Variants in CCDC38 observed in about 807,000 individuals in gnomAD.
CCDC38 encodes coiled-coil domain-containing protein 38.
CCDC38 carries 69 observed loss-of-function variants against 72.8 expected under a neutral mutation model. The ratio of observed to expected loss-of-function variants is 0.95; its 90% CI spans 0.78 to 1.16. The LOEUF is 1.16. Among genes scored for constraint, CCDC38 ranks in the 50% most tolerant of loss-of-function variants. The pLI, the probability that CCDC38 is intolerant of heterozygous loss-of-function variation, is 0.00. For missense variants in CCDC38, 626 were observed against 638.9 expected (o/e 0.98, Z 0.22); for synonymous variants, 201 against 213.2 (o/e 0.94, Z 0.50).
chr12:95,886,030 C>CAATA (rs1225077172), intron 10 of CCDC38, among the ~76,000 whole-genome samples: 29 of 151,170 alleles, frequency 1.9e-4, no homozygotes, highest in Admixed American at 1.1e-3. Context: ...GAAATCAAGG[C>CAATA]CATACATAAT....
chr12:95,921,023 G>A (rs1255512000), intron 2 of CCDC38, among the ~76,000 whole-genome samples: 1 of 151,824 alleles, frequency 6.6e-6, no homozygotes, highest in Non-Finnish European at 1.5e-5. Flanking sequence ...AGCTCCTTGG[G>A]AGGCTAAGTC....
intron 8 of CCDC38, 72 bp from the exon 9 acceptor site, chr12:95,891,002 C>G: frequency 2.4e-6 from 2 of 825,672 alleles, no homozygotes; most frequent in Non-Finnish European, 2.0e-6. Flanking sequence ...AGAAAGAGAG[C>G]TTTGTCTCAG....
chr12:95,868,831 A>G (rs1287563829), intron 15 of CCDC38, among the ~76,000 whole-genome samples: 1 of 152,178 alleles, frequency 6.6e-6, no homozygotes, highest in Non-Finnish European at 1.5e-5. Context: ...TGCAAAATAA[A>G]GAACTTTGGC....
In CCDC38 at chr12:95,895,236, G is replaced by A. The variant is rs1015113906; in HGVS notation, c.615-90C>T. On this transcript the variant is annotated intron_variant, in intron 7 of 15. Coordinates refer to ENST00000344280, the MANE Select transcript of CCDC38 (RefSeq NM_182496.3). Reference sequence around the variant, plus strand: ...ATTTTTATAAAATTGTTTCTCTTATGTACTGAATTAATAATTTAATTATCA... The same window carrying A: ...ATTTTTATAAAATTGTTTCTCTTATATACTGAATTAATAATTTAATTATCA... 92 of 791,466 alleles carry A rather than the reference G, an allele frequency of 1.2e-4. No individual in the cohort carries two copies. In the East Asian group the frequency reaches 2.7e-3, roughly 23 times the overall value. 49.0% of individuals were successfully genotyped at this position (791,466 alleles called of 1,614,324 possible).
At chr12:95,881,820 T>C (rs935038609) in intron 10 of CCDC38, among the ~76,000 whole-genome samples, 7 of 152,208 alleles carry the variant, frequency 4.6e-5, no homozygotes, top group African/African-American at 1.7e-4. Flanking sequence ...GTACCAATTA[T>C]TTGAGGTGCA....
chr12:95,941,035 TCTATAA>T (rs1244731384), intron 1 of CCDC38, among the ~76,000 whole-genome samples: 1 of 152,204 alleles, frequency 6.6e-6, no homozygotes, highest in Non-Finnish European at 1.5e-5. Flanking sequence ...TCCTTATCCA[TCTATAA>T]CTACTGAACA....
intron 5 of CCDC38, chr12:95,903,652 TGG>T (rs1218896190): frequency 2.0e-6 from 1 of 499,280 alleles, no homozygotes; most frequent in African/African-American, 1.9e-5. Flanking sequence ...GATAATCATA[TGG>T]GTTTTCATTT....
At chr12:95,903,302 T>C (rs2121486257) in intron 5 of CCDC38, 1 of 563,468 alleles carries the variant, frequency 1.8e-6, no homozygotes, top group South Asian at 2.5e-5. Context: ...TTTCTTCAGA[T>C]TTTCTGCAGA....
At chr12:95,903,288 T>G (rs1169007758) in intron 5 of CCDC38, 2 of 547,534 alleles carry the variant, frequency 3.7e-6, no homozygotes, top group Non-Finnish European at 6.5e-6. Context: ...AGTTTTAAAA[T>G]AGATTTCTTC....
chr12:95,897,409 G>C (rs183223647), intron 7 of CCDC38, among the ~76,000 whole-genome samples: 3 of 151,986 alleles, frequency 2.0e-5, no homozygotes, highest in Non-Finnish European at 4.4e-5. Context: ...AGGAGTTTGA[G>C]ACTAGCTTGG....
At chr12:95,911,420 C>CT (rs1264025099) in intron 4 of CCDC38, among the ~76,000 whole-genome samples, 1 of 152,172 alleles carries the variant, frequency 6.6e-6, no homozygotes, top group Non-Finnish European at 1.5e-5. Flanking sequence ...GCAAAAAACA[C>CT]TATCAACAGA....
chr12:95,868,304 A>G (rs991828070), intron 15 of CCDC38, among the ~76,000 whole-genome samples: 3 of 152,164 alleles, frequency 2.0e-5, no homozygotes, highest in Admixed American at 2.0e-4. Flanking sequence ...AAACGTCATA[A>G]AACTCATGGT....
At chr12:95,901,557 C>T (rs892461036) in intron 5 of CCDC38, among the ~76,000 whole-genome samples, 2 of 152,006 alleles carry the variant, frequency 1.3e-5, no homozygotes, top group Non-Finnish European at 2.9e-5. Flanking sequence ...CCTGGACATT[C>T]CAACACTTGA....
At chr12:95,919,332 A>T in intron 2 of CCDC38, 3 of 360,122 alleles carry the variant, frequency 8.3e-6, no homozygotes, top group South Asian at 6.4e-5. Flanking sequence ...ACACAGTTTG[A>T]GCACTCAGCA....
At chr12:95,908,998 T>C (rs1254422055) in intron 4 of CCDC38, among the ~76,000 whole-genome samples, 1 of 152,170 alleles carries the variant, frequency 6.6e-6, no homozygotes, top group African/African-American at 2.4e-5. Context: ...ATAAAATCTC[T>C]TGATAAGAAT....
chr12:95,904,293 A>G (rs910236698), intron 5 of CCDC38, among the ~76,000 whole-genome samples: 2 of 152,256 alleles, frequency 1.3e-5, no homozygotes, highest in Non-Finnish European at 2.9e-5. Context: ...AACTATTACA[A>G]GTTACCCAGA....
intron 5 of CCDC38, among the ~76,000 whole-genome samples, chr12:95,902,915 GA>G (rs1170767082): frequency 2.0e-5 from 3 of 152,024 alleles, no homozygotes; most frequent in African/African-American, 7.2e-5. Flanking sequence ...ATTTCTACAA[GA>G]AAGACGCCTG....
intron 7 of CCDC38, among the ~76,000 whole-genome samples, chr12:95,895,441 T>G (rs2079876297): frequency 6.6e-6 from 1 of 152,052 alleles, no homozygotes; most frequent in African/African-American, 2.4e-5. Context: ...AAGTTTTAGA[T>G]ATAGGGAGAA....
intron 1 of CCDC38, among the ~76,000 whole-genome samples, chr12:95,937,837 T>G (rs2080410404): frequency 6.6e-6 from 1 of 152,196 alleles, no homozygotes; most frequent in Admixed American, 6.5e-5. Context: ...GTTCTACGTG[T>G]GGGGGACAGG....
Sources: allele counts gnomAD v4.1 joint callset (sites outside exome capture counted in the v4.1 genomes callset), GRCh38; gene constraint gnomAD v4.1.1; transcripts MANE v1.5; gene names NCBI Gene and HGNC (gene_info 2026-07-23, HGNC 2026-07-21).